NTRK3: variants seen among roughly 807,000 people sequenced by gnomAD.
NTRK3 encodes the protein NT-3 growth factor receptor.
Under a neutral mutation model 91.7 loss-of-function variants are expected in NTRK3, and 24 were observed. The observed-to-expected ratio is 0.26, with a 90% CI of 0.19 to 0.37. The LOEUF is 0.37. NTRK3 is among the 10% of genes least tolerant of loss of function. NTRK3 has a pLI of 1.00. For missense variants in NTRK3, 880 were observed against 1,068.9 expected, an observed-to-expected ratio of 0.82 and a Z score of 2.46; for synonymous variants, 483 against 404.0, an observed-to-expected ratio of 1.20 and a Z score of -2.34.
chr15:87,969,769 A>G (rs1567166026), intron 14 of NTRK3, among the ~76,000 whole-genome samples: 2 of 152,120 alleles, frequency 1.3e-5, no homozygotes, highest in Admixed American at 6.5e-5. Context: ...ATTTCAGACT[A>G]TTTGTTAGGC....
intron 14 of NTRK3, among the ~76,000 whole-genome samples, chr15:88,004,336 C>T (rs145563770): frequency 9.2e-5 from 14 of 152,242 alleles, no homozygotes; most frequent in African/African-American, 3.4e-4. Context: ...GCCCAAGAGA[C>T]TTTTGCATGT....
chr15:88,064,639 T>G (rs2046494088), intron 13 of NTRK3, among the ~76,000 whole-genome samples: 3 of 152,184 alleles, frequency 2.0e-5, no homozygotes, highest in Admixed American at 1.3e-4. Context: ...GCTACCACAT[T>G]GTAACTTCCA....
chr15:87,892,050 C>T (rs1567076611), intron 17 of NTRK3, among the ~76,000 whole-genome samples: 2 of 150,592 alleles, frequency 1.3e-5, no homozygotes, highest in Non-Finnish European at 3.0e-5. Context: ...CCCCTGTGAG[C>T]CATCAATCCC....
exon 19 of NTRK3, chr15:87,875,184 G>C (rs2064916141): frequency 4.3e-6 from 1 of 231,306 alleles, no homozygotes; most frequent in African/African-American, 2.2e-5. Flanking sequence ...GAAAAGGGTA[G>C]GCCAGAGGCC....
chr15:88,198,372 C>A (rs2048012407), intron 3 of NTRK3, among the ~76,000 whole-genome samples: 1 of 152,222 alleles, frequency 6.6e-6, no homozygotes, highest in Admixed American at 6.5e-5. Context: ...CATGGTGCCT[C>A]TCCCTGCCCA....
At chr15:88,137,675 G>C in intron 6 of NTRK3, 114 bp from the exon 7 acceptor site, 1 of 1,020,870 alleles carries the variant, frequency 9.8e-7, no homozygotes, top group Non-Finnish European at 1.5e-6. Context: ...GGGGAGAAGG[G>C]ATTTAACAAG....
exon 19 of NTRK3, chr15:87,871,470 G>A: frequency 4.3e-6 from 1 of 230,662 alleles, no homozygotes; most frequent in East Asian, 6.1e-5. Context: ...CTCCTAGGGG[G>A]TGGTTTTCCC....
At chr15:88,085,649 G>A (rs1350747014) in intron 13 of NTRK3, among the ~76,000 whole-genome samples, 1 of 152,192 alleles carries the variant, frequency 6.6e-6, no homozygotes, top group Non-Finnish European at 1.5e-5. Flanking sequence ...TTACCCAGCA[G>A]TATGCAGTAA....
exon 19 of NTRK3, chr15:87,870,151 T>A (rs1223087226): frequency 5.5e-6 from 1 of 182,848 alleles, no homozygotes; most frequent in African/African-American, 2.4e-5. Context: ...CAAATGCCCA[T>A]CAATCAATGA....
At chr15:88,028,580 C>T (rs910288713) in intron 14 of NTRK3, among the ~76,000 whole-genome samples, 21 of 152,060 alleles carry the variant, frequency 1.4e-4, no homozygotes, top group African/African-American at 3.1e-4. Flanking sequence ...GAGGAAAGGG[C>T]GGGCCAACCA....
At chr15:88,174,009 T>A (rs935568187) in intron 5 of NTRK3, among the ~76,000 whole-genome samples, 2 of 152,208 alleles carry the variant, frequency 1.3e-5, no homozygotes, top group African/African-American at 4.8e-5. Context: ...TGGTCTATAG[T>A]CAGTGCTTCA....
intron 17 of NTRK3, among the ~76,000 whole-genome samples, chr15:87,886,853 C>G (rs1596090537): frequency 1.4e-5 from 2 of 147,284 alleles, no homozygotes; most frequent in Non-Finnish European, 1.5e-5. Flanking sequence ...TATAAGGAAA[C>G]CAGTGGACCT....
intron 14 of NTRK3, among the ~76,000 whole-genome samples, chr15:87,972,278 T>C (rs1463126322): frequency 6.6e-6 from 1 of 152,186 alleles, no homozygotes. Context: ...TGGTCATCAC[T>C]GCAATCCACA....
At chr15:88,065,755 C>T (rs1321765182) in intron 13 of NTRK3, among the ~76,000 whole-genome samples, 1 of 152,182 alleles carries the variant, frequency 6.6e-6, no homozygotes, top group Non-Finnish European at 1.5e-5. Context: ...ATTTTAACTC[C>T]ACAGGAGATG....
chr15:87,916,570 G>C, intron 17 of NTRK3: 2 of 702,222 alleles, frequency 2.8e-6, no homozygotes, highest in Non-Finnish European at 5.2e-6. Context: ...CCTTCAATGA[G>C]AGAAGAAAAC....
chr15:88,088,469 G>A (rs571555689), intron 13 of NTRK3, among the ~76,000 whole-genome samples: 1 of 152,070 alleles, frequency 6.6e-6, no homozygotes, highest in South Asian at 2.1e-4. Flanking sequence ...CATGGGAATG[G>A]TAATAATATA....
chr15:88,043,771 A>G (rs997965655), intron 13 of NTRK3, among the ~76,000 whole-genome samples: 1 of 152,210 alleles, frequency 6.6e-6, no homozygotes, highest in Non-Finnish European at 1.5e-5. Context: ...ATGAGTTAGA[A>G]GAGAAAGAGA....
chr15:88,179,174 T>C (rs1209906683), intron 5 of NTRK3, among the ~76,000 whole-genome samples: 1 of 152,206 alleles, frequency 6.6e-6, no homozygotes, highest in Non-Finnish European at 1.5e-5. Context: ...ACACAGGAAG[T>C]TCTCAACCAG....
At chr15:88,013,690 T>C (rs2077037828) in intron 14 of NTRK3, among the ~76,000 whole-genome samples, 1 of 152,310 alleles carries the variant, frequency 6.6e-6, no homozygotes, top group South Asian at 2.1e-4. Flanking sequence ...TCAGATCATG[T>C]ACAAAAAATC....
Sources: allele counts gnomAD v4.1 joint callset (sites outside exome capture counted in the v4.1 genomes callset), GRCh38; gene constraint gnomAD v4.1.1; transcripts MANE v1.5; gene names NCBI Gene and HGNC (gene_info 2026-07-23, HGNC 2026-07-21).